RIMS1: variants seen among roughly 807,000 people sequenced by gnomAD.
The protein encoded by RIMS1 is regulating synaptic membrane exocytosis 1.
In RIMS1, 83 loss-of-function variants were observed where a neutral mutation model predicts 214.1. The observed-to-expected ratio is 0.39, with a 90% confidence interval of 0.32 to 0.47. The LOEUF is 0.47. RIMS1 is among the 20% of genes least tolerant of loss of function. The pLI is 0.99. For missense variants in RIMS1, 2,050 were observed against 2,161.8 expected (o/e 0.95, Z 1.03); for synonymous variants, 793 against 786.8 (o/e 1.01, Z -0.13).
chr6:72,392,820 A>ATTT lies in RIMS1; in HGVS notation c.4618+18_4618+20dup. 1 of 1,451,744 alleles carries ATTT rather than the reference A, an allele frequency of 6.9e-7. No individual in the cohort carries two copies. Among genetic ancestry groups the ATTT allele is most frequent in the Non-Finnish European group, 9.5e-7 (1 of 1,057,312 alleles). 89.9% of individuals were successfully genotyped at this position (1,451,744 alleles called of 1,614,324 possible). ...GCCACCCCTGCAATGGGTAAGAATC[A>ATTT]TTTTTTTTTTCTACAAGAAAATTGA... On this transcript the variant is annotated intron_variant, in intron 31 of 33. Transcript: ENST00000521978.
At position 72,235,672 on chromosome 6, in the gene RIMS1, A is replaced by G; in HGVS notation, c.1801A>G (p.Ile601Val). ...KEGDRLIGRV[I>V]LNKRTTMPKD... The stretch of plus-strand genomic sequence containing the variant: ...GGGGGACCGATTAATTGGACGTGTT[A>G]TTCTTAACAAGAGAACAACCATGCC... Residue 601 changes from isoleucine to valine, a missense_variant, in exon 8 of 34, where the codon ATT becomes GTT. Physicochemically the swap from Ile to Val is conservative, Grantham distance 29 (BLOSUM62 3). This residue lies in a region of RIMS1 where 882 missense variants were observed against 828.9 expected (regional missense o/e 1.06). Transcript: ENST00000521978. The G allele has an allele frequency of 6.2e-7, 1 of 1,611,262 alleles. No individual in the cohort carries two copies. Among genetic ancestry groups the G allele is most frequent in the Non-Finnish European group, 8.5e-7 (1 of 1,178,508 alleles).
chr6:72,167,927 A>T, intron 4 of RIMS1, among the ~76,000 whole-genome samples: 1 of 149,574 alleles, frequency 6.7e-6, no homozygotes, highest in African/African-American at 2.5e-5. Context: ...TTTATATTTC[A>T]TTTATTTTCA....
At chr6:71,902,469 C>G (rs1233629355) in intron 1 of RIMS1, among the ~76,000 whole-genome samples, 1 of 152,080 alleles carries the variant, frequency 6.6e-6, no homozygotes, top group Non-Finnish European at 1.5e-5. Flanking sequence ...TTGATTTGAC[C>G]TCTCAAGCTG....
intron 4 of RIMS1, among the ~76,000 whole-genome samples, chr6:72,164,979 G>C (rs2046053230): frequency 6.6e-6 from 1 of 152,086 alleles, no homozygotes; most frequent in African/African-American, 2.4e-5. Context: ...AAATGAATCT[G>C]GGGTGACAAT....
intron 22 of RIMS1, among the ~76,000 whole-genome samples, chr6:72,267,680 C>T (rs1299744214): frequency 6.6e-6 from 1 of 152,096 alleles, no homozygotes; most frequent in Admixed American, 6.6e-5. Context: ...CTGTACTGGA[C>T]AGTGCAGGTC....
At chr6:72,221,504 A>G (rs1253911621) in intron 6 of RIMS1, among the ~76,000 whole-genome samples, 1 of 152,032 alleles carries the variant, frequency 6.6e-6, no homozygotes. Flanking sequence ...TTCTCATTTG[A>G]AAACTAAGCC....
intron 2 of RIMS1, among the ~76,000 whole-genome samples, chr6:72,002,990 T>A (rs1446944931): frequency 6.6e-6 from 1 of 152,218 alleles, no homozygotes; most frequent in Non-Finnish European, 1.5e-5. Context: ...GTCACAGGTA[T>A]GCTTTCTAGC....
chr6:72,370,427 A>G (rs1028638495), intron 29 of RIMS1, among the ~76,000 whole-genome samples: 1 of 152,204 alleles, frequency 6.6e-6, no homozygotes, highest in Non-Finnish European at 1.5e-5. Flanking sequence ...TCTGTCTAGC[A>G]AGTTATATTT....
chr6:72,347,719 C>T lies in RIMS1; in HGVS notation c.4366+13884C>T, dbSNP rs145947524. Among the ~76,000 whole-genome samples the T allele has an allele frequency of 2.3e-4, 35 of 151,998 alleles. No homozygotes were observed. The Middle Eastern group carries it at 0.01, about 44-fold the overall frequency. The stretch of plus-strand genomic sequence containing the variant: ...CAACTTAAAGCTTCTTTCTTTGTAC[C>T]TCTCTACAGGTGCTCTACCCAGAAA... On this transcript the variant is annotated intron_variant, in intron 29 of 33. Transcript: ENST00000521978.
intron 6 of RIMS1, among the ~76,000 whole-genome samples, chr6:72,205,784 A>G (rs2052795975): frequency 6.6e-6 from 1 of 152,184 alleles, no homozygotes; most frequent in African/African-American, 2.4e-5. Context: ...AACAAACTCT[A>G]TAATATAAAC....
chr6:72,294,552 A>G (rs574183442), intron 26 of RIMS1, among the ~76,000 whole-genome samples: 3 of 151,902 alleles, frequency 2.0e-5, no homozygotes, highest in African/African-American at 7.2e-5. Context: ...GGCACTTATA[A>G]AATAATTTTA....
At chr6:72,205,186 T>C (rs1031077698) in intron 6 of RIMS1, among the ~76,000 whole-genome samples, 5 of 152,240 alleles carry the variant, frequency 3.3e-5, no homozygotes, top group Admixed American at 6.5e-5. Flanking sequence ...ATTAATTTAG[T>C]GTGTATTCTA....
chr6:71,913,308 T>C (rs918347622), intron 1 of RIMS1, among the ~76,000 whole-genome samples: 1 of 152,094 alleles, frequency 6.6e-6, no homozygotes, highest in Non-Finnish European at 1.5e-5. Flanking sequence ...AATAGATGAA[T>C]TGACATGATG....
At chr6:72,068,465 G>A (rs1296780087) in intron 2 of RIMS1, among the ~76,000 whole-genome samples, 2 of 152,188 alleles carry the variant, frequency 1.3e-5, no homozygotes, top group African/African-American at 4.8e-5. Context: ...CAGAAAAGAG[G>A]TGAGGAAGAG....
At chr6:71,889,065 T>C (rs1379139201) in intron 1 of RIMS1, among the ~76,000 whole-genome samples, 1 of 152,178 alleles carries the variant, frequency 6.6e-6, no homozygotes, top group Non-Finnish European at 1.5e-5. Flanking sequence ...ATTTACAGGT[T>C]TGCTGCTGTT....
chr6:72,250,391 A>G lies in RIMS1; in HGVS notation c.2303A>G (p.Asp768Gly). 3 of 1,609,904 alleles carry G rather than the reference A, an allele frequency of 1.9e-6. No homozygotes were observed. The highest frequency in any genetic ancestry group is 2.5e-6 in the Non-Finnish European group (3 of 1,177,012). The change falls in exon 13 of 34, where the codon GAT (aspartate) becomes GGT (glycine). Residue 768 changes from aspartate (D) to glycine (G), a missense_variant. Physicochemically the swap from Asp to Gly is moderately conservative, Grantham distance 94. This residue lies in a region of RIMS1 where 889 missense variants were observed against 885.5 expected (regional missense o/e 1.00). Coordinates refer to ENST00000521978, the MANE Select transcript of RIMS1 (RefSeq NM_014989.7). ...QLIVNVLQAT[D>G]LPARVDGRPR... ...ATTGTAAATGTTCTGCAAGCAACAG[A>G]TCTACCTGCTAGAGTAGATGGACGT...
intron 4 of RIMS1, among the ~76,000 whole-genome samples, chr6:72,155,157 G>T (rs2153911620): frequency 7.1e-6 from 1 of 141,018 alleles, no homozygotes; most frequent in Non-Finnish European, 1.6e-5. Context: ...CCTGTGATGA[G>T]AGGAGCTGCC....
chr6:72,147,234 T>G (rs2042878202), intron 4 of RIMS1, among the ~76,000 whole-genome samples: 1 of 152,242 alleles, frequency 6.6e-6, no homozygotes, highest in Non-Finnish European at 1.5e-5. Context: ...CATTTATTTT[T>G]CTTTAGTCAA....
intron 28 of RIMS1, among the ~76,000 whole-genome samples, chr6:72,316,413 G>A (rs1274986825): frequency 6.6e-6 from 1 of 152,186 alleles, no homozygotes; most frequent in African/African-American, 2.4e-5. Context: ...ACCAGGATCA[G>A]GGTCATGCCC....
Sources: allele counts gnomAD v4.1 joint callset (sites outside exome capture counted in the v4.1 genomes callset), GRCh38; gene constraint gnomAD v4.1.1; regional missense constraint gnomAD v4.1.1; transcripts MANE v1.5; gene names NCBI Gene and HGNC (gene_info 2026-07-23, HGNC 2026-07-21).